CPAMD8: variants seen among roughly 807,000 people sequenced by gnomAD.
CPAMD8 encodes C3 and PZP-like alpha-2-macroglobulin domain-containing protein 8.
CPAMD8 carries 146 observed loss-of-function variants against 224.7 expected under a neutral mutation model. That is an observed-to-expected ratio of 0.65 (90% CI 0.57 to 0.75). The LOEUF is 0.75. Among genes scored for constraint, CPAMD8 ranks in the 30% least tolerant of loss-of-function variants. The pLI is 0.00. For synonymous variants in CPAMD8, 966 were observed against 1,044.6 expected, an observed-to-expected ratio of 0.92 and a Z score of 1.45; for missense variants, 2,301 against 2,537.5, an observed-to-expected ratio of 0.91 and a Z score of 2.00.
At chr19:16,980,136 C>A (rs1346968202) in intron 14 of CPAMD8, among the ~76,000 whole-genome samples, 1 of 152,050 alleles carries the variant, frequency 6.6e-6, no homozygotes, top group Non-Finnish European at 1.5e-5. Flanking sequence ...GGGAGGAGGG[C>A]CTTATGAGGA....
chr19:16,999,329 C>G (rs934081556), intron 10 of CPAMD8, among the ~76,000 whole-genome samples: 1 of 151,994 alleles, frequency 6.6e-6, no homozygotes, highest in East Asian at 1.9e-4. Context: ...GCCTGTAATC[C>G]CAGCACTTTG....
intron 18 of CPAMD8, among the ~76,000 whole-genome samples, chr19:16,969,217 G>A (rs939980592): frequency 6.6e-6 from 1 of 152,130 alleles, no homozygotes; most frequent in Non-Finnish European, 1.5e-5. Flanking sequence ...TTGTGCACTG[G>A]GGTAGGGCTA....
Position 17,005,422 on chromosome 19 carries a change from A to G in CPAMD8, c.560-1036T>C, listed in dbSNP as rs941104789. Among the ~76,000 whole-genome samples the G allele has an allele frequency of 4.2e-5, 6 of 143,826 alleles. No individual in the cohort carries two copies. The Admixed American group carries it at 4.2e-4, about 10-fold the overall frequency. The allele number at this position is 143,826 out of a possible 152,430, so 94.4% of individuals were successfully genotyped here. ...GAGAACCACCCCCCAACTGAACTAG[A>G]GCACGCACACACTTTAGAACAGAGC... On this transcript the variant is annotated intron_variant, in intron 7 of 41. Transcript: ENST00000443236.
At chr19:16,903,915 CT>C (rs1046562723) in intron 32 of CPAMD8, 58 bp from the exon 33 acceptor site, 14 of 1,543,618 alleles carry the variant, frequency 9.1e-6, no homozygotes, top group African/African-American at 2.7e-5. Flanking sequence ...CAGTGGTCCC[CT>C]GAACCCCGTC....
At chr19:16,983,777 C>T (rs1324435846) in intron 13 of CPAMD8, among the ~76,000 whole-genome samples, 1 of 152,056 alleles carries the variant, frequency 6.6e-6, no homozygotes, top group Non-Finnish European at 1.5e-5. Flanking sequence ...TTAGTTATGA[C>T]AAATGGATCA....
chr19:16,901,134 G>A, intron 36 of CPAMD8, 76 bp downstream of exon 36: 1 of 969,542 alleles, frequency 1.0e-6, no homozygotes, highest in African/African-American at 1.6e-5. Flanking sequence ...CTGCCAGCCA[G>A]CCTGACCCTG....
At position 16,952,136 on chromosome 19, in the gene CPAMD8, C is replaced by T. The variant is rs953640760; in HGVS notation, c.2341G>A (p.Glu781Lys). Reference sequence around the variant, plus strand: ...TGAGAGGTGGACAGGGCCACGGCCTCACCCACCCAGCTGGTGATGGAGTCC... The same window carrying T: ...TGAGAGGTGGACAGGGCCACGGCCTTACCCACCCAGCTGGTGATGGAGTCC... ...VPDSITSWVGEAVALSTSQGL... is the reference protein window; with the variant it reads ...VPDSITSWVGKAVALSTSQGL... Residue 781 changes from glutamate (E) to lysine (K), a missense_variant, in exon 20 of 42, where the codon GAG (glutamate) becomes AAG (lysine). This residue lies in a region of CPAMD8 where 1,709 missense variants were observed against 1,753.2 expected (regional missense o/e 0.97). Transcript: ENST00000443236. 6 of 1,552,034 alleles carry T rather than the reference C, an allele frequency of 3.9e-6. No individual in the cohort carries two copies. Among genetic ancestry groups the T allele is most frequent in the Middle Eastern group, 1.7e-4 (1 of 5,966 alleles).
chr19:16,904,715 C>A (rs749832703), intron 30 of CPAMD8, among the ~76,000 whole-genome samples, 163 bp from the exon 31 acceptor site: 1 of 152,222 alleles, frequency 6.6e-6, no homozygotes, highest in African/African-American at 2.4e-5. Flanking sequence ...CCTTGGGGCT[C>A]CATCTCAGAT....
chr19:17,019,953 C>CTTTTTT (rs11307564), intron 3 of CPAMD8, among the ~76,000 whole-genome samples: 1 of 123,218 alleles, frequency 8.1e-6, no homozygotes, highest in Non-Finnish European at 1.7e-5. Context: ...CAATTCAATT[C>CTTTTTT]TTTTTTTTTT....
chr19:17,009,395 C>T, intron 5 of CPAMD8, 75 bp from the exon 6 acceptor site: 1 of 1,610,850 alleles, frequency 6.2e-7, no homozygotes, highest in Non-Finnish European at 8.5e-7. Context: ...TCATGCATGG[C>T]CTCGGTCCCC....
At chr19:16,984,361 T>G (rs2055637877) in intron 13 of CPAMD8, among the ~76,000 whole-genome samples, 3 of 148,530 alleles carry the variant, frequency 2.0e-5, no homozygotes, top group African/African-American at 7.5e-5. Flanking sequence ...AGAATGAATT[T>G]GGATCCCTAC....
At chr19:16,964,977 C>T (rs1426323938) in intron 18 of CPAMD8, among the ~76,000 whole-genome samples, 3 of 151,916 alleles carry the variant, frequency 2.0e-5, no homozygotes, top group South Asian at 2.1e-4. Flanking sequence ...AAAAGGTCTT[C>T]GGGCTGGGCA....
At chr19:16,941,618 G>A (rs1031162410) in intron 22 of CPAMD8, among the ~76,000 whole-genome samples, 1 of 152,166 alleles carries the variant, frequency 6.6e-6, no homozygotes, top group African/African-American at 2.4e-5. Context: ...GGATCATGGG[G>A]GCGGATTTCC....
chr19:16,969,501 G>A (rs931563860), intron 18 of CPAMD8, among the ~76,000 whole-genome samples: 1 of 152,150 alleles, frequency 6.6e-6, no homozygotes, highest in Admixed American at 6.5e-5. Context: ...CTTAACCTCC[G>A]AGGTGATGGT....
intron 22 of CPAMD8, 87 bp from the exon 23 acceptor site, chr19:16,938,533 T>C: frequency 1.4e-6 from 1 of 708,046 alleles, no homozygotes; most frequent in South Asian, 1.7e-5. Context: ...CCCACAGCAA[T>C]GACTTCAAGT....
chr19:16,904,575 G>A, intron 30 of CPAMD8, 23 bp from the exon 31 acceptor site: 1 of 1,528,928 alleles, frequency 6.5e-7, no homozygotes, highest in Non-Finnish European at 9.1e-7. Context: ...GAGTGGTCAA[G>A]AGCTATAACC....
At chr19:16,977,025 G>C (rs555310485) in intron 15 of CPAMD8, among the ~76,000 whole-genome samples, 3 of 152,094 alleles carry the variant, frequency 2.0e-5, no homozygotes, top group Non-Finnish European at 4.4e-5. Flanking sequence ...CTGGGTGACA[G>C]AGCTTGACTC....
chr19:16,955,932 C>T (rs2054458050), intron 19 of CPAMD8, among the ~76,000 whole-genome samples: 1 of 152,130 alleles, frequency 6.6e-6, no homozygotes, highest in Non-Finnish European at 1.5e-5. Context: ...CTGCCTCAGC[C>T]TCTCAAAGTG....
chr19:16,974,170 C>T (rs533580391), intron 17 of CPAMD8, among the ~76,000 whole-genome samples: 4 of 151,308 alleles, frequency 2.6e-5, no homozygotes, highest in East Asian at 2.0e-4. Context: ...CTCGCTCTGT[C>T]GCCCAGGCTG....
Sources: allele counts gnomAD v4.1 joint callset (sites outside exome capture counted in the v4.1 genomes callset), GRCh38; gene constraint gnomAD v4.1.1; regional missense constraint gnomAD v4.1.1; transcripts MANE v1.5; gene names NCBI Gene and HGNC (gene_info 2026-07-23, HGNC 2026-07-21).